The following PPP2R2D variants were observed in gnomAD, a reference collection of about 807,000 sequenced individuals.
The protein encoded by PPP2R2D is protein phosphatase 2 regulatory subunit Bdelta, also known as serine/threonine-protein phosphatase 2A 55 kDa regulatory subunit B delta isoform.
A neutral mutation model predicts 31.1 loss-of-function variants in PPP2R2D; 9 were observed. The observed-to-expected ratio is 0.29, with a 90% CI of 0.17 to 0.51. The LOEUF (loss-of-function observed/expected upper bound fraction) is 0.51, where lower values mean the gene tolerates loss of function less well. PPP2R2D is among the 20% of genes least tolerant of loss of function. PPP2R2D has a pLI of 0.98. For synonymous variants in PPP2R2D, 179 were observed against 172.6 expected (o/e 1.04, Z -0.29); for missense variants, 391 against 465.6 (o/e 0.84, Z 1.48).
intron 2 of PPP2R2D, among the ~76,000 whole-genome samples, chr10:131,919,968 T>G (rs1225207552): frequency 6.0e-5 from 7 of 116,278 alleles, no homozygotes; most frequent in Non-Finnish European, 1.1e-4. Flanking sequence ...GACACAGTGT[T>G]TGTAGGGTCC....
At chr10:131,920,787 G>T (rs571586625) in intron 2 of PPP2R2D, among the ~76,000 whole-genome samples, 97 of 152,214 alleles carry the variant, frequency 6.4e-4, no homozygotes, top group African/African-American at 2.1e-3. Context: ...AAATTTGCTG[G>T]GCACAGTGGT....
At chr10:131,910,287 G>A (rs1243996647) in intron 2 of PPP2R2D, among the ~76,000 whole-genome samples, 1 of 152,158 alleles carries the variant, frequency 6.6e-6, no homozygotes. Flanking sequence ...ATTGTTACAT[G>A]GAGTTGTTTT....
chr10:131,919,033 A>T (rs1368904283), intron 2 of PPP2R2D, among the ~76,000 whole-genome samples: 4 of 120,894 alleles, frequency 3.3e-5, no homozygotes, highest in Admixed American at 1.7e-4. Flanking sequence ...TAGGGACCTC[A>T]GGCGAGCGGG....
chr10:131,949,339 G>T (rs1346118426), intron 8 of PPP2R2D, among the ~76,000 whole-genome samples: 15 of 152,300 alleles, frequency 9.8e-5, no homozygotes. Context: ...CATTCCTCAA[G>T]GCCGCTTGCT....
At chr10:131,917,606 T>TC (rs1564811616) in intron 2 of PPP2R2D, among the ~76,000 whole-genome samples, 9 of 83,688 alleles carry the variant, frequency 1.1e-4, no homozygotes, top group African/African-American at 4.5e-4. Context: ...GGACCTCACG[T>TC]GGGTGGAATG....
intron 3 of PPP2R2D, 94 bp from the exon 4 acceptor site, chr10:131,939,937 A>T (rs1164368614): frequency 2.3e-6 from 1 of 440,678 alleles, no homozygotes; most frequent in Non-Finnish European, 4.2e-6. Context: ...GCTTTAAAAA[A>T]TATGTATGGT....
chr10:131,941,149 A>G (rs1554897178), intron 5 of PPP2R2D, among the ~76,000 whole-genome samples: 1 of 152,204 alleles, frequency 6.6e-6, no homozygotes, highest in Non-Finnish European at 1.5e-5. Flanking sequence ...GTTTAGGCAG[A>G]TGCTGATGGT....
chr10:131,913,533 G>A (rs1035987182), intron 2 of PPP2R2D, among the ~76,000 whole-genome samples: 2 of 152,104 alleles, frequency 1.3e-5, no homozygotes, highest in Non-Finnish European at 2.9e-5. Context: ...TCCATGTTTG[G>A]GTCAGTAATG....
chr10:131,936,455 A>AT (rs1313883048), intron 3 of PPP2R2D, among the ~76,000 whole-genome samples: 2 of 152,138 alleles, frequency 1.3e-5, no homozygotes, highest in Non-Finnish European at 2.9e-5. Context: ...CAGCAGGAGG[A>AT]TTTTTTAACA....
chr10:131,928,462 T>A lies in PPP2R2D; in HGVS notation c.101-5996T>A, dbSNP rs566527462. Among the ~76,000 whole-genome samples the A allele has an allele frequency of 1.6e-4, 24 of 152,368 alleles. No homozygotes were observed. In the South Asian group the frequency reaches 5.0e-3, roughly 32 times the overall value. On this transcript the variant is annotated intron_variant, in intron 2 of 8. Transcript: ENST00000455566. ...TTGACAATGACTCAGTAATTTTAGGTGATGCGTTTTAAGTACTGTATCTTT... is the reference window on the plus strand; with the variant it reads ...TTGACAATGACTCAGTAATTTTAGGAGATGCGTTTTAAGTACTGTATCTTT...
intron 3 of PPP2R2D, chr10:131,935,024 C>T (rs2036313764): frequency 2.2e-6 from 1 of 453,160 alleles, no homozygotes; most frequent in Non-Finnish European, 4.4e-6. Flanking sequence ...GCACTCACTC[C>T]TCCATGCCCC....
chr10:131,953,382 C>T (rs1158617332), intron 8 of PPP2R2D, among the ~76,000 whole-genome samples: 1 of 48,442 alleles, frequency 2.1e-5, no homozygotes, highest in Non-Finnish European at 3.5e-5. Flanking sequence ...CAGTGACTTG[C>T]AGGTGTGTGG....
chr10:131,902,983 C>G (rs1302860098), intron 2 of PPP2R2D, among the ~76,000 whole-genome samples: 2 of 152,126 alleles, frequency 1.3e-5, no homozygotes, highest in African/African-American at 4.8e-5. Flanking sequence ...AACTCCTGGG[C>G]TCAAGTGGTC....
chr10:131,951,764 A>G (rs2036639982), intron 8 of PPP2R2D, among the ~76,000 whole-genome samples: 1 of 152,116 alleles, frequency 6.6e-6, no homozygotes, highest in Non-Finnish European at 1.5e-5. Flanking sequence ...AGGTTGCAGT[A>G]AGCTGAGATT....
intron 4 of PPP2R2D, among the ~76,000 whole-genome samples, 175 bp from the exon 5 acceptor site, chr10:131,940,407 T>C (rs562349258): frequency 1.3e-5 from 2 of 152,356 alleles, no homozygotes; most frequent in South Asian, 4.1e-4. Flanking sequence ...TCTGCACGTC[T>C]GCACATCTTT....
At chr10:131,970,684 A>T in the PPP2R2D span, 1 of 1,614,206 alleles carries the variant, frequency 6.2e-7, no homozygotes, top group Non-Finnish European at 8.5e-7. The surrounding 1 kb of genome is among the most constrained non-coding windows in gnomAD (Gnocchi z 4.1). Context: ...GATGGAAGGA[A>T]AACTTTCAGA....
intron 5 of PPP2R2D, 98 bp downstream of exon 5, chr10:131,940,792 G>T: frequency 1.6e-6 from 1 of 642,178 alleles, no homozygotes; most frequent in South Asian, 1.8e-5. Context: ...AGTACTGTGA[G>T]GTCTGCTGTG....
At position 131,958,671 on chromosome 10, in the gene PPP2R2D, T is replaced by C. The variant is rs202167310; in HGVS notation, c.*2708T>C. The C allele has an allele frequency of 0.01, 1,036 of 99,860 alleles. No homozygotes were observed. Among genetic ancestry groups the C allele is most frequent in the Middle Eastern group, 0.039 (8 of 204 alleles). The allele number at this position is 99,860 out of a possible 1,614,324, so 6.2% of individuals were successfully genotyped here. A position where few individuals can be genotyped will look rare whatever the true frequency, so the allele number is the denominator to read the frequency against. On this transcript the variant is annotated 3_prime_UTR_variant, in exon 9 of 9. Transcript: ENST00000455566. Reference sequence around the variant, plus strand: ...CCCCATCCCCCTGTGGAGATGAAGATGTGTGCTGATCCCCCGTCCTCCTGT... The same window carrying C: ...CCCCATCCCCCTGTGGAGATGAAGACGTGTGCTGATCCCCCGTCCTCCTGT...
chr10:131,932,132 C>T (rs567387189), intron 2 of PPP2R2D, among the ~76,000 whole-genome samples: 1 of 152,286 alleles, frequency 6.6e-6, no homozygotes, highest in Admixed American at 6.5e-5. Flanking sequence ...CTCGGGGTGG[C>T]TGCGGACACT....
Sources: allele counts gnomAD v4.1 joint callset (sites outside exome capture counted in the v4.1 genomes callset), GRCh38; gene constraint gnomAD v4.1.1; non-coding constraint Gnocchi (gnomAD v3.1); transcripts MANE v1.5; gene names NCBI Gene and HGNC (gene_info 2026-07-23, HGNC 2026-07-21).